MEGF9: variants seen among roughly 807,000 people sequenced by gnomAD.
MEGF9 encodes the protein multiple epidermal growth factor-like domains protein 9.
In MEGF9, 6 loss-of-function variants were observed where a neutral mutation model predicts 46.8. The ratio of observed to expected loss-of-function variants is 0.13; its 90% CI spans 0.07 to 0.25. MEGF9 has a LOEUF of 0.25. Among genes scored for constraint, MEGF9 ranks in the 10% least tolerant of loss-of-function variants. The pLI is 1.00. For missense variants in MEGF9, 683 were observed against 792.4 expected, an observed-to-expected ratio of 0.86 and a Z score of 1.66; for synonymous variants, 302 against 330.7, an observed-to-expected ratio of 0.91 and a Z score of 0.94.
At chr9:120,697,419 TA>T (rs1333578085) in intron 1 of MEGF9, among the ~76,000 whole-genome samples, 2 of 149,358 alleles carry the variant, frequency 1.3e-5, no homozygotes, top group African/African-American at 5.1e-5. Flanking sequence ...CGTCATCTGC[TA>T]TTTTTTTTTT....
At chr9:120,649,994 C>T (rs1201801359) in intron 2 of MEGF9, among the ~76,000 whole-genome samples, 3 of 152,176 alleles carry the variant, frequency 2.0e-5, no homozygotes, top group Non-Finnish European at 4.4e-5. Context: ...AGGCCAGGCA[C>T]GGTGGCTCAC....
chr9:120,694,183 C>T (rs945585788), intron 1 of MEGF9, among the ~76,000 whole-genome samples: 3 of 152,196 alleles, frequency 2.0e-5, no homozygotes, highest in African/African-American at 4.8e-5. Flanking sequence ...ACTCAACCTA[C>T]ATTTAGCATG....
intron 1 of MEGF9, among the ~76,000 whole-genome samples, chr9:120,698,272 A>G (rs1012889603): frequency 6.6e-6 from 1 of 152,234 alleles, no homozygotes; most frequent in African/African-American, 2.4e-5. Flanking sequence ...TAGGGCCTAC[A>G]TAAGATCCCA....
At chr9:120,653,148 A>G (rs1385769497) in intron 2 of MEGF9, among the ~76,000 whole-genome samples, 1 of 152,186 alleles carries the variant, frequency 6.6e-6, no homozygotes, top group Non-Finnish European at 1.5e-5. Context: ...GTTCATCCAC[A>G]TCTTCTTGCA....
chr9:120,628,468 GTTTT>G (rs1170322238), intron 2 of MEGF9, among the ~76,000 whole-genome samples: 30 of 69,056 alleles, frequency 4.3e-4, no homozygotes, highest in African/African-American at 1.6e-3. Flanking sequence ...TCTTGTCGTT[GTTTT>G]TTTTTTTTTT....
chr9:120,685,326 G>A (rs182004118), intron 1 of MEGF9, among the ~76,000 whole-genome samples: 14 of 152,220 alleles, frequency 9.2e-5, no homozygotes, highest in Middle Eastern at 3.4e-3. Context: ...CACAACCGTC[G>A]AACTTCCTCT....
intron 2 of MEGF9, among the ~76,000 whole-genome samples, chr9:120,642,364 C>G (rs2043606914): frequency 6.6e-6 from 1 of 152,170 alleles, no homozygotes; most frequent in South Asian, 2.1e-4. Flanking sequence ...TTTGCCTATT[C>G]TATTTCAGGG....
intron 1 of MEGF9, among the ~76,000 whole-genome samples, chr9:120,668,951 C>T (rs1326744395): frequency 1.3e-5 from 2 of 152,286 alleles, no homozygotes; most frequent in South Asian, 2.1e-4. Context: ...ACTTTAAAAT[C>T]AAACTTTGCT....
intron 3 of MEGF9, among the ~76,000 whole-genome samples, chr9:120,615,306 C>A (rs1042915459): frequency 3.5e-4 from 52 of 147,286 alleles, no homozygotes; most frequent in African/African-American, 1.3e-3. Context: ...TGTACACACA[C>A]ACACACATGC....
intron 2 of MEGF9, among the ~76,000 whole-genome samples, chr9:120,653,374 ATTTATTTTT>A (rs1303862755): frequency 2.2e-5 from 3 of 139,178 alleles, no homozygotes; most frequent in Non-Finnish European, 4.6e-5. Flanking sequence ...TATTTATTTT[ATTTATTTTT>A]TTTTTTGAGA....
chr9:120,713,506 G>A (rs1564433553), intron 1 of MEGF9, among the ~76,000 whole-genome samples: 2 of 152,148 alleles, frequency 1.3e-5, no homozygotes, highest in Non-Finnish European at 2.9e-5. Context: ...AAGCCCTGTT[G>A]GGAAGAAGAT....
chr9:120,611,642 T>C (rs1418624387), intron 4 of MEGF9, among the ~76,000 whole-genome samples: 1 of 152,010 alleles, frequency 6.6e-6, no homozygotes, highest in Non-Finnish European at 1.5e-5. Context: ...GTCCTTTTGT[T>C]GGGGGAGGTG....
At chr9:120,658,222 A>G (rs2043686295) in intron 2 of MEGF9, among the ~76,000 whole-genome samples, 1 of 152,182 alleles carries the variant, frequency 6.6e-6, no homozygotes, top group Non-Finnish European at 1.5e-5. Flanking sequence ...CCTGGCCTCA[A>G]GTGATCCACC....
intron 1 of MEGF9, among the ~76,000 whole-genome samples, chr9:120,661,737 CAT>C (rs1391469103): frequency 1.3e-5 from 2 of 152,208 alleles, no homozygotes; most frequent in East Asian, 1.9e-4. Context: ...CATGTTTTCA[CAT>C]GATAGCTACT....
intron 4 of MEGF9, among the ~76,000 whole-genome samples, chr9:120,612,100 T>C (rs962100289): frequency 2.0e-5 from 3 of 152,200 alleles, no homozygotes; most frequent in Admixed American, 6.5e-5. Context: ...GTCAACATTA[T>C]TCGGTATCTA....
intron 1 of MEGF9, among the ~76,000 whole-genome samples, chr9:120,663,258 C>T (rs1324404715): frequency 1.3e-5 from 2 of 152,084 alleles, no homozygotes; most frequent in Non-Finnish European, 2.9e-5. Context: ...ACTTAAGGCC[C>T]GTCCCAGTGA....
chr9:120,616,407 C>T (rs930528659), intron 3 of MEGF9, among the ~76,000 whole-genome samples: 3 of 151,944 alleles, frequency 2.0e-5, no homozygotes, highest in East Asian at 1.9e-4. Flanking sequence ...GGGCTGGGTG[C>T]GGTGGCTCAC....
chr9:120,605,337 C>T lies in MEGF9; in HGVS notation c.1662G>A (p.Glu554=), dbSNP rs368513662. ...TGAAACTGATATTGTCTTCTTTCAG[C>T]TCGATGGTCCAAAAGGGGGCATTGA... ...RKLNAPFWTI[E]LKEDNISFSS... Residue 554 remains glutamate (E), a synonymous_variant, in exon 6 of 6, where the codon GAG becomes GAA. Transcript: ENST00000373930. The surrounding 1 kb of genome is among the most constrained non-coding windows in gnomAD (Gnocchi z 4.0). 204 of 1,613,932 alleles carry T rather than the reference C, an allele frequency of 1.3e-4. No individual in the cohort carries two copies. Among genetic ancestry groups the T allele is most frequent in the Non-Finnish European group, 1.6e-4 (189 of 1,179,910 alleles).
intron 3 of MEGF9, among the ~76,000 whole-genome samples, chr9:120,618,610 T>C (rs2043482810): frequency 6.6e-6 from 1 of 152,042 alleles, no homozygotes; most frequent in South Asian, 2.1e-4. Context: ...CTCATTAAGA[T>C]TTTTAGGCTG....
Sources: allele counts gnomAD v4.1 joint callset (sites outside exome capture counted in the v4.1 genomes callset), GRCh38; gene constraint gnomAD v4.1.1; non-coding constraint Gnocchi (gnomAD v3.1); transcripts MANE v1.5; gene names NCBI Gene and HGNC (gene_info 2026-07-23, HGNC 2026-07-21).